ST8SIA5: variants seen among roughly 807,000 people sequenced by gnomAD.
The protein encoded by ST8SIA5 is ST8 alpha-N-acetyl-neuraminide alpha-2,8-sialyltransferase 5.
Under a neutral mutation model 40.2 loss-of-function variants are expected in ST8SIA5, and 24 were observed. That is an observed-to-expected ratio of 0.60 (90% CI 0.43 to 0.84). ST8SIA5 has a LOEUF of 0.84. Among genes scored for constraint, ST8SIA5 ranks in the 40% least tolerant of loss-of-function variants. The pLI is 0.00. For synonymous variants in ST8SIA5, 198 were observed against 201.8 expected (o/e 0.98, Z 0.16); for missense variants, 465 against 498.5 (o/e 0.93, Z 0.64).
chr18:46,706,978 T>C (rs2039676076), intron 1 of ST8SIA5, among the ~76,000 whole-genome samples: 1 of 152,248 alleles, frequency 6.6e-6, no homozygotes, highest in African/African-American at 2.4e-5. Context: ...GAGCTAGCTG[T>C]GCCCTTAATA....
chr18:46,748,576 G>T (rs956525162), intron 1 of ST8SIA5, among the ~76,000 whole-genome samples: 1 of 73,932 alleles, frequency 1.4e-5, no homozygotes, highest in Admixed American at 1.3e-4. Flanking sequence ...AAAAAAAAAA[G>T]GCAAAGAATC....
In ST8SIA5 at chr18:46,756,363, A is replaced by C; in HGVS notation, c.131+15T>G. 1 of 1,610,254 alleles carries C rather than the reference A, an allele frequency of 6.2e-7. No individual in the cohort carries two copies. Among genetic ancestry groups the C allele is most frequent in the Non-Finnish European group, 8.5e-7 (1 of 1,177,736 alleles). Reference sequence around the variant, plus strand: ...CCGGCTCCGCGCATCCCGCCCTCTCAATGGACTTTCTTACCTCTTAATGTA... The same window carrying C: ...CCGGCTCCGCGCATCCCGCCCTCTCCATGGACTTTCTTACCTCTTAATGTA... On this transcript the variant is annotated intron_variant, in intron 1 of 6. Transcript: ENST00000315087.
chr18:46,682,641 T>TG (rs2039409336), intron 5 of ST8SIA5, among the ~76,000 whole-genome samples: 1 of 152,240 alleles, frequency 6.6e-6, no homozygotes, highest in Non-Finnish European at 1.5e-5. Context: ...CCTGTGACTA[T>TG]GCAGCCTTAC....
intron 2 of ST8SIA5, among the ~76,000 whole-genome samples, chr18:46,692,874 C>G (rs562116951): frequency 1.6e-5 from 2 of 128,534 alleles, no homozygotes; most frequent in Admixed American, 1.7e-4. Flanking sequence ...CCCCACCCCC[C>G]ACCCTAATCA....
At position 46,679,829 on chromosome 18, in the gene ST8SIA5, G is replaced by A. The variant is rs1703151859; in HGVS notation, c.*213C>T. ...GACGCACTGGGCGGATGCACCGGTG[G>A]GGGCCAGGCCAGGAGGCTCAGCACA... On this transcript the variant is annotated 3_prime_UTR_variant, in exon 7 of 7. Transcript: ENST00000315087. 3.4e-6 allele frequency: 2 copies of A among 595,230 alleles called. No individual in the cohort carries two copies. Among genetic ancestry groups the A allele is most frequent in the African/African-American group, 3.7e-5 (2 of 53,768 alleles). The allele number at this position is 595,230 out of a possible 1,614,324, so 36.9% of individuals were successfully genotyped here. A position where few individuals can be genotyped will look rare whatever the true frequency, so the allele number is the denominator to read the frequency against.
chr18:46,698,301 A>AC (rs1792785860), intron 2 of ST8SIA5, among the ~76,000 whole-genome samples: 1 of 152,106 alleles, frequency 6.6e-6, no homozygotes, highest in African/African-American at 2.4e-5. Context: ...ACAACCCACC[A>AC]CACCAACAAT....
At chr18:46,709,044 G>T (rs1279757874) in intron 1 of ST8SIA5, among the ~76,000 whole-genome samples, 1 of 152,074 alleles carries the variant, frequency 6.6e-6, no homozygotes, top group Non-Finnish European at 1.5e-5. Flanking sequence ...TCCTACCTGG[G>T]CTCTGCTTTT....
chr18:46,735,645 C>T (rs983787335), intron 1 of ST8SIA5, among the ~76,000 whole-genome samples: 1 of 151,662 alleles, frequency 6.6e-6, no homozygotes, highest in African/African-American at 2.4e-5. Context: ...CAGGGTCTTG[C>T]CCTGTTGCCC....
intron 1 of ST8SIA5, among the ~76,000 whole-genome samples, chr18:46,716,479 G>A (rs899003972): frequency 7.9e-5 from 12 of 152,200 alleles, no homozygotes; most frequent in African/African-American, 2.9e-4. Flanking sequence ...CAGGCAGCCT[G>A]GGCCAGCCCC....
chr18:46,754,531 G>A (rs1427519598), intron 1 of ST8SIA5, among the ~76,000 whole-genome samples: 1 of 152,170 alleles, frequency 6.6e-6, no homozygotes, highest in East Asian at 1.9e-4. Context: ...CACGCTTCCA[G>A]GATCAGCCCT....
At chr18:46,727,296 T>C (rs1232276887) in intron 1 of ST8SIA5, among the ~76,000 whole-genome samples, 1 of 152,200 alleles carries the variant, frequency 6.6e-6, no homozygotes, top group African/African-American at 2.4e-5. Context: ...TTCTCTGTTG[T>C]GTGGTTATTG....
chr18:46,707,820 G>A (rs554715078), intron 1 of ST8SIA5, among the ~76,000 whole-genome samples: 3 of 152,166 alleles, frequency 2.0e-5, no homozygotes, highest in Non-Finnish European at 2.9e-5. Flanking sequence ...TACTATGTAA[G>A]GATACAGCAA....
At chr18:46,687,972 C>G (rs1393159934) in intron 4 of ST8SIA5, among the ~76,000 whole-genome samples, 1 of 152,254 alleles carries the variant, frequency 6.6e-6, no homozygotes, top group Non-Finnish European at 1.5e-5. Flanking sequence ...AGCGCCCCTT[C>G]TCTGAGAGTA....
Position 46,673,379 on chromosome 18 carries a change from T to G in ST8SIA5, c.*6663A>C, listed in dbSNP as rs1335336788. On this transcript the variant is annotated 3_prime_UTR_variant, in exon 7 of 7. Transcript: ENST00000315087. ...TTTGTATGTACAGAAAAGGCAGAAG[T>G]TGGGTTGTGTGCCAAATTCTTCTTT... The G allele has an allele frequency of 6.6e-6, 1 of 152,122 alleles. No homozygotes were observed. Among genetic ancestry groups the G allele is most frequent in the African/African-American group, 2.4e-5 (1 of 41,436 alleles). 9.4% of individuals were successfully genotyped at this position (152,122 alleles called of 1,614,324 possible). A position where few individuals can be genotyped will look rare whatever the true frequency, so the allele number is the denominator to read the frequency against.
At chr18:46,717,084 T>G (rs541395029) in intron 1 of ST8SIA5, among the ~76,000 whole-genome samples, 3 of 152,186 alleles carry the variant, frequency 2.0e-5, no homozygotes, top group Non-Finnish European at 4.4e-5. Flanking sequence ...AGGCAATGCA[T>G]GCAACACTGC....
intron 1 of ST8SIA5, among the ~76,000 whole-genome samples, chr18:46,726,061 G>A (rs1305747798): frequency 2.6e-5 from 3 of 113,562 alleles, no homozygotes; most frequent in African/African-American, 1.1e-4. Context: ...AGGAATGGTG[G>A]TGCACACCTG....
chr18:46,702,637 C>T (rs749238333), intron 2 of ST8SIA5, among the ~76,000 whole-genome samples: 3 of 152,234 alleles, frequency 2.0e-5, no homozygotes, highest in Non-Finnish European at 4.4e-5. Flanking sequence ...TAGTTAACTC[C>T]TGTCACACTT....
chr18:46,722,250 C>T (rs1384978857), intron 1 of ST8SIA5, among the ~76,000 whole-genome samples: 3 of 152,174 alleles, frequency 2.0e-5, no homozygotes, highest in Non-Finnish European at 4.4e-5. Flanking sequence ...CAACCCTCTC[C>T]CCAACGCCCT....
At chr18:46,732,849 G>A (rs529883535) in intron 1 of ST8SIA5, among the ~76,000 whole-genome samples, 1 of 150,052 alleles carries the variant, frequency 6.7e-6, no homozygotes, top group East Asian at 2.0e-4. Flanking sequence ...CTGTGTGAGA[G>A]AGTCCTGGGG....
Sources: allele counts gnomAD v4.1 joint callset (sites outside exome capture counted in the v4.1 genomes callset), GRCh38; gene constraint gnomAD v4.1.1; transcripts MANE v1.5; gene names NCBI Gene and HGNC (gene_info 2026-07-23, HGNC 2026-07-21).